The following RIPK1 variants were observed in gnomAD, a reference collection of about 807,000 sequenced individuals.
RIPK1 encodes the protein receptor-interacting serine/threonine-protein kinase 1.
RIPK1 carries 27 observed loss-of-function variants against 62.4 expected under a neutral mutation model. That is an observed-to-expected ratio of 0.43 (90% CI 0.32 to 0.60). The LOEUF is 0.60. RIPK1 is among the 20% of genes least tolerant of loss of function. The pLI, the probability that RIPK1 is intolerant of heterozygous loss-of-function variation, is 0.07. For missense variants in RIPK1, 735 were observed against 831.0 expected (o/e 0.88, Z 1.42); for synonymous variants, 287 against 303.2 (o/e 0.95, Z 0.55).
chr6:3,090,885 C>CCTACCTGCCGCACCTAGTAACCGCAGA (rs1760042764), intron 7 of RIPK1, among the ~76,000 whole-genome samples: 1 of 15,494 alleles, frequency 6.5e-5, no homozygotes, highest in Non-Finnish European at 1.1e-4. Context: ...GTAACCGCAG[C>CCTACCTGCCGCACCTAGTAACCGCAGA]GCGCCTACCT....
rs2113695925 is a variant in RIPK1 at position 3,105,916 on chromosome 6, C to T, written c.1441C>T (p.Pro481Ser). ...TGGCTTTGGAACAAGACCACTGGAT[C>T]CAGGAACAGCAGGTCCCAGAGTTTG... ...SHGFGTRPLD[P>S]GTAGPRVWYR... The change falls in exon 9 of 11, where the codon CCA (proline) becomes TCA (serine). Residue 481 changes from proline (P) to serine (S), a missense_variant. Around this residue, in one of 2 missense-constraint regions of RIPK1, gnomAD observed 671 missense variants for 726.2 expected, o/e 0.92. Coordinates refer to ENST00000259808, the MANE Select transcript of RIPK1 (RefSeq NM_001354930.2). The surrounding 1 kb of genome is among the most constrained non-coding windows in gnomAD (Gnocchi z 4.5). 1 of 1,614,106 alleles carries T rather than the reference C, an allele frequency of 6.2e-7. No individual in the cohort carries two copies. The highest frequency in any genetic ancestry group is 8.5e-7 in the Non-Finnish European group (1 of 1,179,998).
chr6:3,068,483 G>A, upstream of RIPK1: 1 of 985,302 alleles, frequency 1.0e-6, no homozygotes, highest in Non-Finnish European at 1.2e-6. Flanking sequence ...GGGGGAGGAG[G>A]CAGCGCGAAC....
chr6:3,102,599 G>A (rs1260600733), intron 7 of RIPK1, among the ~76,000 whole-genome samples: 1 of 151,010 alleles, frequency 6.6e-6, no homozygotes, highest in African/African-American at 2.5e-5. Context: ...GTAATTCTAT[G>A]TATAACTTTT....
At chr6:3,067,231 T>C (rs908495478), upstream of RIPK1, among the ~76,000 whole-genome samples, 4 of 152,066 alleles carry the variant, frequency 2.6e-5, no homozygotes, top group African/African-American at 4.8e-5. Flanking sequence ...GGTGTTTGTA[T>C]GGGCATAAGC....
chr6:3,081,992 G>A (rs1390699106), intron 4 of RIPK1, among the ~76,000 whole-genome samples: 1 of 145,436 alleles, frequency 6.9e-6, no homozygotes, highest in Non-Finnish European at 1.5e-5. Context: ...TTAAAAATCA[G>A]TTTCCTTTGA....
At chr6:3,096,024 A>C (rs1252656148) in intron 7 of RIPK1, among the ~76,000 whole-genome samples, 1 of 152,100 alleles carries the variant, frequency 6.6e-6, no homozygotes, top group Non-Finnish European at 1.5e-5. Context: ...TTTTGTAGAG[A>C]CAGGATTTTG....
Position 3,103,406 on chromosome 6 carries a change from T to G in RIPK1, c.916-819T>G, listed in dbSNP as rs536197519. On this transcript the variant is annotated intron_variant, in intron 7 of 10. Transcript: ENST00000259808. ...ACCTCTGCCTCCCAGGTTCAAGAGATAACTCCTGCCTCAGCCTCCCGAGTA... is the reference window on the plus strand; with the variant it reads ...ACCTCTGCCTCCCAGGTTCAAGAGAGAACTCCTGCCTCAGCCTCCCGAGTA... 1.2e-4 allele frequency among the ~76,000 whole-genome samples: 18 copies of G among 151,764 alleles called. No homozygotes were observed. The South Asian group carries it at 2.9e-3, about 25-fold the overall frequency.
At chr6:3,087,411 GTGTTTTTTT>G (rs1485827101) in intron 6 of RIPK1, among the ~76,000 whole-genome samples, 9 of 141,242 alleles carry the variant, frequency 6.4e-5, no homozygotes, top group South Asian at 2.1e-4. Flanking sequence ...CTGAGGCTTT[GTGTTTTTTT>G]TGTTTTTTTT....
chr6:3,109,634 T>C (rs930905503), intron 9 of RIPK1, among the ~76,000 whole-genome samples: 3 of 152,202 alleles, frequency 2.0e-5, no homozygotes, highest in African/African-American at 7.2e-5. Context: ...CATTTTTTTA[T>C]GGTAAAATTC....
chr6:3,094,097 T>TAGTAACTGCAG (rs1760144493), intron 7 of RIPK1, among the ~76,000 whole-genome samples: 3 of 141,134 alleles, frequency 2.1e-5, no homozygotes, highest in South Asian at 2.2e-4. Context: ...CTCCTGCACC[T>TAGTAACTGCAG]AGTAACTGCA....
chr6:3,102,309 G>A (rs1760620268), intron 7 of RIPK1, among the ~76,000 whole-genome samples: 1 of 152,128 alleles, frequency 6.6e-6, no homozygotes, highest in Admixed American at 6.5e-5. Context: ...TTTGTTTCAT[G>A]CACAAAATTA....
At chr6:3,088,813 C>T (rs1400969502) in intron 6 of RIPK1, 1 of 152,326 alleles carries the variant, frequency 6.6e-6, no homozygotes, top group African/African-American at 2.4e-5. Flanking sequence ...TGTAGACTGG[C>T]TAAAGGTTTT....
At chr6:3,097,806 T>A (rs1005778035) in intron 7 of RIPK1, among the ~76,000 whole-genome samples, 5 of 152,000 alleles carry the variant, frequency 3.3e-5, no homozygotes, top group Non-Finnish European at 7.4e-5. Flanking sequence ...ATTCTATAAA[T>A]TATTTATAAA....
intron 1 of RIPK1, among the ~76,000 whole-genome samples, chr6:3,071,372 A>G (rs1758702878): frequency 1.3e-5 from 2 of 152,352 alleles, no homozygotes; most frequent in South Asian, 4.1e-4. Flanking sequence ...ATTTCAATAG[A>G]AACAAATTCA....
chr6:3,101,684 G>T (rs59726725), intron 7 of RIPK1, among the ~76,000 whole-genome samples: 1 of 152,010 alleles, frequency 6.6e-6, no homozygotes, highest in African/African-American at 2.4e-5. Context: ...ATCTTTGGGT[G>T]TAGGGCAAAA....
At chr6:3,100,830 C>T (rs923582844) in intron 7 of RIPK1, among the ~76,000 whole-genome samples, 6 of 151,890 alleles carry the variant, frequency 4.0e-5, no homozygotes, top group African/African-American at 1.5e-4. Context: ...TGACCTCAAG[C>T]GATCTGCTCG....
chr6:3,067,905 G>A (rs7757304), upstream of RIPK1: 120,191 of 151,930 alleles, frequency 0.79, 47,871 homozygotes, highest in Non-Finnish European at 0.84. Flanking sequence ...ACCACGCCCA[G>A]TTGATTTTTG....
chr6:3,088,880 G>A (rs912668079), intron 6 of RIPK1: 1 of 152,244 alleles, frequency 6.6e-6, no homozygotes, highest in African/African-American at 2.4e-5. Context: ...GCAGGCTTTA[G>A]TTGGAGATTT....
At chr6:3,100,750 C>T (rs982158351) in intron 7 of RIPK1, among the ~76,000 whole-genome samples, 6 of 151,668 alleles carry the variant, frequency 4.0e-5, no homozygotes, top group Non-Finnish European at 2.9e-5. Context: ...ACCACCACAC[C>T]CAGCTAATTT....
Sources: allele counts gnomAD v4.1 joint callset (sites outside exome capture counted in the v4.1 genomes callset), GRCh38; gene constraint gnomAD v4.1.1; regional missense constraint gnomAD v4.1.1; non-coding constraint Gnocchi (gnomAD v3.1); transcripts MANE v1.5; gene names NCBI Gene and HGNC (gene_info 2026-07-23, HGNC 2026-07-21).